Variants in VWC2L observed in about 807,000 individuals in gnomAD.
VWC2L encodes von Willebrand factor C domain containing 2 like.
VWC2L carries 10 observed loss-of-function variants against 21.6 expected under a neutral mutation model. The observed-to-expected ratio is 0.46, with a 90% CI of 0.29 to 0.78. VWC2L has a LOEUF of 0.78. Ranked by LOEUF, VWC2L falls within the 30% of genes least tolerant of loss-of-function variation. VWC2L has a pLI of 0.10. For missense variants in VWC2L, 209 were observed against 277.1 expected (o/e 0.75, Z 1.74); for synonymous variants, 96 against 94.3 (o/e 1.02, Z -0.10).
At chr2:214,447,768 C>T (rs56134437) in intron 3 of VWC2L, among the ~76,000 whole-genome samples, 122 of 152,208 alleles carry the variant, frequency 8.0e-4, no homozygotes, top group Admixed American at 2.9e-3. Context: ...TCAGATTCCT[C>T]GGGCACAGAG....
intron 3 of VWC2L, among the ~76,000 whole-genome samples, chr2:214,533,795 T>C (rs1397216841): frequency 6.6e-6 from 1 of 152,160 alleles, no homozygotes; most frequent in Admixed American, 6.6e-5. Context: ...CCTTGAATTA[T>C]CTGTATACAG....
At chr2:214,455,535 A>C (rs542853563) in intron 3 of VWC2L, among the ~76,000 whole-genome samples, 7 of 152,298 alleles carry the variant, frequency 4.6e-5, no homozygotes, top group African/African-American at 1.7e-4. Flanking sequence ...TATCATTGCT[A>C]TGTGTTGGGG....
chr2:214,453,894 G>A (rs1260776886), intron 3 of VWC2L, among the ~76,000 whole-genome samples: 1 of 151,370 alleles, frequency 6.6e-6, no homozygotes, highest in Non-Finnish European at 1.5e-5. Context: ...CTAATTTTTT[G>A]CATTTTAGTA....
chr2:214,424,556 C>A (rs150669151), intron 2 of VWC2L, among the ~76,000 whole-genome samples: 180 of 152,258 alleles, frequency 1.2e-3, no homozygotes, highest in African/African-American at 3.4e-3. Context: ...ACTTGGCATG[C>A]ACCATGTGAT....
intron 3 of VWC2L, among the ~76,000 whole-genome samples, chr2:214,481,176 G>A (rs907639539): frequency 6.6e-6 from 1 of 152,152 alleles, no homozygotes; most frequent in African/African-American, 2.4e-5. Context: ...AAACAGAGGT[G>A]GAGTCGATTT....
intron 3 of VWC2L, among the ~76,000 whole-genome samples, chr2:214,512,947 T>G (rs1052049629): frequency 6.6e-6 from 1 of 152,140 alleles, no homozygotes; most frequent in Non-Finnish European, 1.5e-5. Context: ...CCTTACAGAA[T>G]CCACTGAAAC....
Position 214,521,234 on chromosome 2 carries a change from GATAAATAAATAAATAA to G in VWC2L, c.521-54408_521-54393del, listed in dbSNP as rs72394017. Among the ~76,000 whole-genome samples the G allele has an allele frequency of 1.0e-3, 140 of 140,522 alleles. 1 individual carries two copies. Among genetic ancestry groups the G allele is most frequent in the African/African-American group, 3.1e-3 (116 of 37,862 alleles). The allele number at this position is 140,522 out of a possible 152,430, so 92.2% of individuals were successfully genotyped here. ...AGGGAGACTCTGACTCCATCTCAAA[GATAAATAAATAAATAA>G]ATAAATAAATAAATAAATAAATAAA... On this transcript the variant is annotated intron_variant, in intron 3 of 3. Transcript: ENST00000312504.
chr2:214,550,501 TATC>T (rs1005732377), intron 3 of VWC2L, among the ~76,000 whole-genome samples: 1 of 152,200 alleles, frequency 6.6e-6, no homozygotes, highest in Non-Finnish European at 1.5e-5. Flanking sequence ...ACCTGCCACA[TATC>T]ATCTCTTTCT....
chr2:214,454,015 C>T (rs1006546143), intron 3 of VWC2L, among the ~76,000 whole-genome samples: 1 of 152,060 alleles, frequency 6.6e-6, no homozygotes, highest in Non-Finnish European at 1.5e-5. Flanking sequence ...GCCACCGCGC[C>T]CAGCCTTTTA....
intron 3 of VWC2L, among the ~76,000 whole-genome samples, chr2:214,561,784 T>TTATATATATATATATATATATATATATA (rs67223012): frequency 1.8e-4 from 23 of 128,654 alleles, no homozygotes; most frequent in Non-Finnish European, 3.0e-4. Flanking sequence ...TCAAAAAAAA[T>TTATATATATATATATATATATATATATA]TATATATATA....
At chr2:214,539,206 G>A (rs1464666709) in intron 3 of VWC2L, among the ~76,000 whole-genome samples, 1 of 152,036 alleles carries the variant, frequency 6.6e-6, no homozygotes, top group Non-Finnish European at 1.5e-5. Context: ...CATTGCAAAG[G>A]GGATGTAAAT....
intron 3 of VWC2L, among the ~76,000 whole-genome samples, chr2:214,506,112 T>C (rs893983009): frequency 2.0e-5 from 3 of 152,182 alleles, no homozygotes; most frequent in Non-Finnish European, 4.4e-5. Context: ...TTGAAAGATA[T>C]TATCTCATGT....
intron 1 of VWC2L, 31 bp from the exon 2 acceptor site, chr2:214,414,083 C>A: frequency 8.2e-7 from 1 of 1,220,042 alleles, no homozygotes; most frequent in Non-Finnish European, 1.1e-6. Flanking sequence ...TTATATATGT[C>A]AAATTATTCT....
chr2:214,496,567 C>T (rs964424563), intron 3 of VWC2L, among the ~76,000 whole-genome samples: 2 of 152,130 alleles, frequency 1.3e-5, no homozygotes, highest in Non-Finnish European at 2.9e-5. Flanking sequence ...TCTGCTTCAT[C>T]CACATTGGGG....
At chr2:214,494,989 T>C (rs934437467) in intron 3 of VWC2L, among the ~76,000 whole-genome samples, 4 of 152,148 alleles carry the variant, frequency 2.6e-5, no homozygotes, top group African/African-American at 9.7e-5. Flanking sequence ...TGAACTGCCT[T>C]CTAATACAGC....
intron 3 of VWC2L, among the ~76,000 whole-genome samples, chr2:214,497,244 T>C (rs1160532598): frequency 6.6e-6 from 1 of 152,170 alleles, no homozygotes; most frequent in Non-Finnish European, 1.5e-5. Flanking sequence ...GCTCTTACCC[T>C]TCTACATATT....
At chr2:214,552,919 C>CT (rs1164263797) in intron 3 of VWC2L, among the ~76,000 whole-genome samples, 3 of 152,194 alleles carry the variant, frequency 2.0e-5, no homozygotes, top group Non-Finnish European at 4.4e-5. Flanking sequence ...TTCTCCTAAG[C>CT]TTTCCTCTTT....
At chr2:214,439,252 A>G (rs2126179744) in intron 3 of VWC2L, among the ~76,000 whole-genome samples, 1 of 152,148 alleles carries the variant, frequency 6.6e-6, no homozygotes, top group East Asian at 1.9e-4. Flanking sequence ...GATGAATGAT[A>G]TATAGAAGAC....
chr2:214,469,158 A>C (rs1559300001), intron 3 of VWC2L, among the ~76,000 whole-genome samples: 1 of 152,212 alleles, frequency 6.6e-6, no homozygotes, highest in Non-Finnish European at 1.5e-5. Context: ...AATGCAATAA[A>C]GATAAAAGAA....
Sources: allele counts gnomAD v4.1 joint callset (sites outside exome capture counted in the v4.1 genomes callset), GRCh38; gene constraint gnomAD v4.1.1; transcripts MANE v1.5; gene names NCBI Gene and HGNC (gene_info 2026-07-23, HGNC 2026-07-21).